GDF10: variants seen among roughly 807,000 people sequenced by gnomAD.
GDF10 encodes growth/differentiation factor 10.
Under a neutral mutation model 32.1 loss-of-function variants are expected in GDF10, and 23 were observed. The ratio of observed to expected loss-of-function variants is 0.72; its 90% CI spans 0.52 to 1.02. GDF10 has a LOEUF of 1.02. GDF10 is among the 50% of genes least tolerant of loss of function. The pLI is 0.00. For synonymous variants in GDF10, 328 were observed against 303.1 expected (o/e 1.08, Z -0.85); for missense variants, 764 against 673.9 (o/e 1.13, Z -1.48).
rs1555207410 is a variant in GDF10 at position 47,309,835 on chromosome 10, C to T, written c.359C>T (p.Thr120Ile). Reference sequence around the variant, plus strand: ...AAGGCCGTGTATTTCTTCAACCTGACTTCCATGCAAGACTCGGAAATGATC... The same window carrying T: ...AAGGCCGTGTATTTCTTCAACCTGATTTCCATGCAAGACTCGGAAATGATC... ...DQKAVYFFNL[T>I]SMQDSEMILT... Residue 120 changes from threonine (T) to isoleucine (I), a missense_variant, in exon 2 of 3, where the codon ACT becomes ATT. Thr to Ile is a moderately conservative substitution (Grantham distance 89). Transcript: ENST00000580279. 1.2e-5 allele frequency: 19 copies of T among 1,612,506 alleles called. No individual in the cohort carries two copies. The highest frequency in any genetic ancestry group is 1.7e-5 in the Admixed American group (1 of 60,002).
chr10:47,303,055 C>T (rs1312303743), intron 1 of GDF10, among the ~76,000 whole-genome samples: 1 of 152,224 alleles, frequency 6.6e-6, no homozygotes, highest in African/African-American at 2.4e-5. Context: ...GTTGCTTGAT[C>T]CTCTCCTCCC....
At position 47,310,072 on chromosome 10, in the gene GDF10, G is replaced by A; in HGVS notation, c.596G>A (p.Gly199Asp). 2 of 1,606,786 alleles carry A rather than the reference G, an allele frequency of 1.2e-6. No individual in the cohort carries two copies. The highest frequency in any genetic ancestry group is 8.5e-7 in the Non-Finnish European group (1 of 1,177,438). The change falls in exon 2 of 3, where the codon GGC becomes GAC. Residue 199 changes from glycine (G) to aspartate (D), a missense_variant. Gly to Asp is a moderately conservative substitution (Grantham distance 94). Transcript: ENST00000580279. ...GAMALAPPPRGLWQAKDISPI... is the reference protein window; with the variant it reads ...GAMALAPPPRDLWQAKDISPI... The stretch of plus-strand genomic sequence containing the variant: ...ATGGCCCTGGCGCCCCCACCGCGCG[G>A]CCTGTGGCAGGCCAAGGACATCTCC...
At position 47,303,949 on chromosome 10, in the gene GDF10, G is replaced by T. The variant is rs547282312; in HGVS notation, c.319+2979G>T. Among the ~76,000 whole-genome samples, 30 of 152,342 alleles carry T rather than the reference G, an allele frequency of 2.0e-4. 1 individual carries two copies. Among genetic ancestry groups the T allele is most frequent in the African/African-American group, 7.2e-4 (30 of 41,580 alleles). On this transcript the variant is annotated intron_variant, in intron 1 of 2. Coordinates refer to ENST00000580279, the MANE Select transcript of GDF10 (RefSeq NM_004962.5). Reference sequence around the variant, plus strand: ...GATGCCCAGAAAAGCTCATAAACTAGCAGGGCAGATCAAAGTAAGCAGCAG... The same window carrying T: ...GATGCCCAGAAAAGCTCATAAACTATCAGGGCAGATCAAAGTAAGCAGCAG...
chr10:47,310,717 C>T lies in GDF10; in HGVS notation c.1241C>T (p.Pro414Leu), dbSNP rs782473875. ...GCGGGAGCATGTGAGTTCCCCATGC[C>T]TAAGGTAGGGTTTCTTCCGCCTTTT... The part of the protein sequence containing the change: ...YCAGACEFPM[P>L]KIVRPSNHAT... Residue 414 changes from proline to leucine, a missense_variant, in exon 2 of 3, where the codon CCT becomes CTT. Pro to Leu is a moderately conservative substitution (Grantham distance 98). Coordinates refer to ENST00000580279, the MANE Select transcript of GDF10 (RefSeq NM_004962.5). The T allele has an allele frequency of 2.5e-6, 4 of 1,605,596 alleles. No homozygotes were observed. The Admixed American group carries it at 6.7e-5, about 27-fold the overall frequency.
At chr10:47,303,227 T>C (rs1298338164) in intron 1 of GDF10, among the ~76,000 whole-genome samples, 1 of 152,174 alleles carries the variant, frequency 6.6e-6, no homozygotes, top group Non-Finnish European at 1.5e-5. Flanking sequence ...TCCGAGAACA[T>C]GCCAGTCTCA....
At chr10:47,305,271 G>A (rs1451891776) in intron 1 of GDF10, among the ~76,000 whole-genome samples, 4 of 152,198 alleles carry the variant, frequency 2.6e-5, no homozygotes, top group Non-Finnish European at 4.4e-5. Context: ...TGGGTGCCAG[G>A]CACAGTGCTG....
rs45620039 is a variant in GDF10, at chr10:47,300,825, G to A, written c.174G>A (p.Arg58=). Residue 58 remains arginine (R), a synonymous_variant, in exon 1 of 3, where the codon CGG becomes CGA. Coordinates refer to ENST00000580279, the MANE Select transcript of GDF10 (RefSeq NM_004962.5). The stretch of plus-strand genomic sequence containing the variant: ...TGCAGGGGGACAGGGATCTCCAGCG[G>A]CACCCTGGGGACGCGGCCGCCACGT... ...DGLQGDRDLQ[R]HPGDAAATLG... is the part of the protein sequence containing the mutation. The A allele has an allele frequency of 1.9e-6, 3 of 1,572,026 alleles. No homozygotes were observed. The highest frequency in any genetic ancestry group is 8.6e-7 in the Non-Finnish European group (1 of 1,166,040).
chr10:47,311,788 A>G (rs2061047167), intron 2 of GDF10, among the ~76,000 whole-genome samples: 1 of 152,224 alleles, frequency 6.6e-6, no homozygotes, highest in South Asian at 2.1e-4. Flanking sequence ...GACACCAGCC[A>G]GAACGCTGCA....
chr10:47,304,695 A>G (rs2061016839), intron 1 of GDF10, among the ~76,000 whole-genome samples: 1 of 152,236 alleles, frequency 6.6e-6, no homozygotes, highest in Non-Finnish European at 1.5e-5. Context: ...AGAGATATAT[A>G]TGTGAGATAT....
In GDF10 at chr10:47,310,485, C is replaced by T. The variant is rs782520978; in HGVS notation, c.1009C>T (p.Arg337Cys). The part of the protein sequence containing the change: ...PFRALKPRPG[R>C]KDRRKKGQEV... ...CCGGGCGCTGAAACCCCGGCCAGGG[C>T]GCAAAGACCGCAGGAAGAAGGGCCA... Residue 337 changes from arginine to cysteine, a missense_variant, in exon 2 of 3, where the codon CGC becomes TGC. By Grantham distance (180) the Arg-to-Cys change is radical (BLOSUM62 -3). Coordinates refer to ENST00000580279, the MANE Select transcript of GDF10 (RefSeq NM_004962.5). 11 of 1,613,734 alleles carry T rather than the reference C, an allele frequency of 6.8e-6. No individual in the cohort carries two copies. The highest frequency in any genetic ancestry group is 1.7e-5 in the Admixed American group (1 of 60,022).
chr10:47,302,788 C>G (rs1555206937), intron 1 of GDF10, among the ~76,000 whole-genome samples: 1 of 152,212 alleles, frequency 6.6e-6, no homozygotes, highest in Admixed American at 6.5e-5. Flanking sequence ...TGACCAGGGT[C>G]TGGGAGGGGT....
intron 1 of GDF10, among the ~76,000 whole-genome samples, chr10:47,303,089 C>T (rs892148658): frequency 6.6e-6 from 1 of 152,212 alleles, no homozygotes; most frequent in Non-Finnish European, 1.5e-5. Context: ...GTGTTTCATG[C>T]CAAGCCTCTT....
intron 1 of GDF10, among the ~76,000 whole-genome samples, chr10:47,308,301 C>A (rs1555207288): frequency 1.3e-5 from 2 of 152,088 alleles, no homozygotes; most frequent in African/African-American, 4.8e-5. Context: ...GCATTGAGAC[C>A]CTGGGCTGCT....
chr10:47,310,327 C>T lies in GDF10; in HGVS notation c.851C>T (p.Ala284Val), dbSNP rs553093337. ...PEPRAAPNNS[A>V]DPRVRRAAQA... ...CCCCGCGCAGCCCCCAACAACTCAG[C>T]GGACCCCCGCGTGCGCCGAGCCGCG... Residue 284 changes from alanine to valine, a missense_variant, in exon 2 of 3, where the codon GCG becomes GTG. By Grantham distance (64) the Ala-to-Val change is moderately conservative (BLOSUM62 0). Coordinates refer to ENST00000580279, the MANE Select transcript of GDF10 (RefSeq NM_004962.5). 1.9e-6 allele frequency: 3 copies of T among 1,605,324 alleles called. No individual in the cohort carries two copies. Among genetic ancestry groups the T allele is most frequent in the Admixed American group, 1.7e-5 (1 of 59,058 alleles).
chr10:47,305,878 T>C (rs2061021442), intron 1 of GDF10, among the ~76,000 whole-genome samples: 1 of 152,192 alleles, frequency 6.6e-6, no homozygotes, highest in Non-Finnish European at 1.5e-5. Context: ...GAGTCAGAAC[T>C]CAAAAATATC....
intron 1 of GDF10, among the ~76,000 whole-genome samples, chr10:47,302,692 A>T (rs2132220195): frequency 6.6e-6 from 1 of 152,346 alleles, no homozygotes; most frequent in East Asian, 1.9e-4. Flanking sequence ...GGTTGTTCAC[A>T]GTGGCAGGGG....
chr10:47,307,956 A>G (rs1425598458), intron 1 of GDF10, among the ~76,000 whole-genome samples: 1 of 152,134 alleles, frequency 6.6e-6, no homozygotes, highest in Admixed American at 6.5e-5. Context: ...CTTCCAGACA[A>G]TCCTCTGTGT....
At chr10:47,310,798 C>T in intron 2 of GDF10, 77 bp downstream of exon 2, 1 of 974,692 alleles carries the variant, frequency 1.0e-6, no homozygotes, top group Non-Finnish European at 1.6e-6. Flanking sequence ...GCCTGCAGGA[C>T]TTCTGTTTCC....
rs1555206700 is a variant in GDF10 at position 47,300,573 on chromosome 10, G to A, written c.-79G>A. On this transcript the variant is annotated 5_prime_UTR_variant, in exon 1 of 3. Transcript: ENST00000580279. ...CTCCCCGCGCGCCCTACTGCCGCGA[G>A]GTCAGTCCGCAGCCTCCGGTGCGCC... 1.5e-6 allele frequency: 2 copies of A among 1,365,550 alleles called. No individual in the cohort carries two copies. The highest frequency in any genetic ancestry group is 1.5e-5 in the African/African-American group (1 of 65,716). 84.6% of individuals were successfully genotyped at this position (1,365,550 alleles called of 1,614,324 possible).
Sources: gnomAD v4.1 joint callset for allele counts (sites outside exome capture counted in the v4.1 genomes callset) on GRCh38, gnomAD v4.1.1 for gene constraint, MANE v1.5 for transcripts, NCBI Gene and HGNC (gene_info 2026-07-23, HGNC 2026-07-21) for gene names.